Variants in CCDC138 observed in about 807,000 individuals in gnomAD.
CCDC138 encodes the protein coiled-coil domain-containing protein 138.
CCDC138 carries 66 observed loss-of-function variants against 82.3 expected under a neutral mutation model. The observed-to-expected ratio is 0.80, with a 90% CI of 0.66 to 0.98. CCDC138 has a LOEUF of 0.98. CCDC138 is among the 50% of genes least tolerant of loss of function. CCDC138 has a pLI of 0.00. For synonymous variants in CCDC138, 297 were observed against 265.4 expected (o/e 1.12, Z -1.16); for missense variants, 816 against 758.9 (o/e 1.08, Z -0.88).
At chr2:108,793,359 A>G (rs1401214352) in intron 4 of CCDC138, among the ~76,000 whole-genome samples, 4 of 151,976 alleles carry the variant, frequency 2.6e-5, no homozygotes, top group African/African-American at 9.7e-5. Context: ...CAACAACAAA[A>G]AAACACTGAC....
intron 10 of CCDC138, among the ~76,000 whole-genome samples, chr2:108,834,682 C>A (rs1211131823): frequency 2.0e-5 from 3 of 152,144 alleles, no homozygotes; most frequent in Non-Finnish European, 4.4e-5. Flanking sequence ...TGCTGTACAA[C>A]CATCATCGCT....
chr2:108,796,978 T>G (rs1209274750), intron 5 of CCDC138, among the ~76,000 whole-genome samples: 1 of 152,220 alleles, frequency 6.6e-6, no homozygotes, highest in African/African-American at 2.4e-5. Flanking sequence ...TGTAATGTTC[T>G]CAACACAAAG....
chr2:108,884,640 T>C (rs1482849897), intron 2 of CCDC138: 1 of 152,186 alleles, frequency 6.6e-6, no homozygotes. Context: ...TCAAGGATGA[T>C]GGTTTTGGCC....
At chr2:108,853,950 A>G (rs1005220014) in intron 12 of CCDC138, among the ~76,000 whole-genome samples, 17 of 120,122 alleles carry the variant, frequency 1.4e-4, no homozygotes, top group African/African-American at 5.6e-4. Flanking sequence ...ATAATATACA[A>G]TAAATATATA....
At chr2:108,836,696 A>G (rs929007079) in intron 10 of CCDC138, among the ~76,000 whole-genome samples, 1 of 152,190 alleles carries the variant, frequency 6.6e-6, no homozygotes, top group Non-Finnish European at 1.5e-5. Context: ...ACCCATGAAC[A>G]TGAAATTTCA....
At chr2:108,819,778 T>A (rs141028582) in intron 10 of CCDC138, among the ~76,000 whole-genome samples, 1 of 152,100 alleles carries the variant, frequency 6.6e-6, no homozygotes, top group Non-Finnish European at 1.5e-5. Flanking sequence ...TAAAAAAGGA[T>A]CAGAAGGCAT....
At chr2:108,868,122 G>A (rs1694705209) in intron 13 of CCDC138, among the ~76,000 whole-genome samples, 1 of 152,048 alleles carries the variant, frequency 6.6e-6, no homozygotes, top group African/African-American at 2.4e-5. Flanking sequence ...TTTTAAAAAT[G>A]TATAACCGCT....
chr2:108,854,037 AAT>A (rs1437015554), intron 12 of CCDC138, among the ~76,000 whole-genome samples: 2 of 69,318 alleles, frequency 2.9e-5, no homozygotes, highest in African/African-American at 1.2e-4. Flanking sequence ...TATTATATAT[AAT>A]ATATAATAAA....
intron 7 of CCDC138, among the ~76,000 whole-genome samples, chr2:108,807,671 G>A (rs954850914): frequency 2.0e-5 from 3 of 152,164 alleles, no homozygotes; most frequent in African/African-American, 7.2e-5. Context: ...AGGCAGGAGT[G>A]CAGTGGCATG....
Position 108,856,922 on chromosome 2 carries a change from C to T in CCDC138, c.1645C>T (p.Leu549Phe), listed in dbSNP as rs1692698312. The T allele has an allele frequency of 4.3e-6, 7 of 1,612,666 alleles. No individual in the cohort carries two copies. Among genetic ancestry groups the T allele is most frequent in the African/African-American group, 1.3e-5 (1 of 74,732 alleles). ...LSHLRISSKG[L>F]LSNVIDSLLQ... ...TCATCTAAGAATATCCAGTAAAGGA[C>T]TCCTGTCTAATGTTATTGATAGTTT... The change falls in exon 13 of 15, where the codon CTC becomes TTC. Residue 549 changes from leucine to phenylalanine, a missense_variant. Physicochemically the swap from Leu to Phe is conservative, Grantham distance 22. Transcript: ENST00000295124.
intron 13 of CCDC138, among the ~76,000 whole-genome samples, chr2:108,858,784 C>T (rs1299170358): frequency 3.3e-5 from 5 of 151,674 alleles, no homozygotes; most frequent in Non-Finnish European, 7.4e-5. Context: ...GTTTGGGCTT[C>T]AACTGAACTC....
chr2:108,853,951 TAAATATATATAATA>T (rs1433534426), intron 12 of CCDC138, among the ~76,000 whole-genome samples: 3 of 119,426 alleles, frequency 2.5e-5, no homozygotes, highest in African/African-American at 3.3e-5. Flanking sequence ...TAATATACAA[TAAATATATATAATA>T]AAATATATAT....
In CCDC138 at chr2:108,805,010, T is replaced by C; in HGVS notation, c.855+2T>C. 1 of 1,501,138 alleles carries C rather than the reference T, an allele frequency of 6.7e-7. No individual in the cohort carries two copies. The highest frequency in any genetic ancestry group is 8.9e-7 in the Non-Finnish European group (1 of 1,120,570). 93.0% of individuals were successfully genotyped at this position (1,501,138 alleles called of 1,614,324 possible). On this transcript the variant is annotated splice_donor_variant, in intron 7 of 14. Coordinates refer to ENST00000295124, the MANE Select transcript of CCDC138 (RefSeq NM_144978.3). LOFTEE classifies it high-confidence loss of function. ...TTGAATGATACCTTAAAAAAACAGG[T>C]AAGACCTGTTTTAATATATACTGAA...
At chr2:108,864,293 A>T (rs983699688) in intron 13 of CCDC138, among the ~76,000 whole-genome samples, 1 of 152,204 alleles carries the variant, frequency 6.6e-6, no homozygotes, top group African/African-American at 2.4e-5. Flanking sequence ...TTTATTTATT[A>T]AAAAAAGATT....
intron 13 of CCDC138, among the ~76,000 whole-genome samples, chr2:108,872,491 AT>A (rs1464432393): frequency 1.3e-5 from 2 of 152,232 alleles, no homozygotes; most frequent in Non-Finnish European, 2.9e-5. Flanking sequence ...CATTCCTAGC[AT>A]ATACCACTTA....
rs1473225659 is a variant in CCDC138 at position 108,794,603 on chromosome 2, ACT to A, written c.462_463del (p.Pro155PhefsTer10). ...ACTGAGTGTTGTAGTGATGCAGGTGACTCTCCTTTGAAACCTGTCAGCTGTCC... is the reference window on the plus strand; with the variant it reads ...ACTGAGTGTTGTAGTGATGCAGGTGACTCCTTTGAAACCTGTCAGCTGTCC... On this transcript the variant is annotated frameshift_variant, in exon 5 of 15. Transcript: ENST00000295124. LOFTEE classifies it high-confidence loss of function. The A allele has an allele frequency of 6.2e-7, 1 of 1,613,838 alleles. No homozygotes were observed. The highest frequency in any genetic ancestry group is 1.3e-5 in the African/African-American group (1 of 74,858).
At chr2:108,811,245 C>CTTTTTTT (rs144518921) in intron 7 of CCDC138, among the ~76,000 whole-genome samples, 3,457 of 109,466 alleles carry the variant, frequency 0.032, 457 homozygotes, top group African/African-American at 0.11. Context: ...CTTTCTCTCT[C>CTTTTTTT]TCTTTTTTTT....
chr2:108,813,760 A>G (rs191725760), intron 9 of CCDC138, among the ~76,000 whole-genome samples: 37 of 152,224 alleles, frequency 2.4e-4, no homozygotes, highest in Admixed American at 7.9e-4. Context: ...ACTTTCCACT[A>G]TCCTAGAAAG....
intron 6 of CCDC138, among the ~76,000 whole-genome samples, chr2:108,802,567 G>T (rs1466241042): frequency 1.4e-5 from 2 of 143,508 alleles, no homozygotes; most frequent in Non-Finnish European, 3.0e-5. Flanking sequence ...CAATCATGTC[G>T]TCTGCAAACA....
Sources: allele counts gnomAD v4.1 joint callset (sites outside exome capture counted in the v4.1 genomes callset), GRCh38; gene constraint gnomAD v4.1.1; transcripts MANE v1.5; gene names NCBI Gene and HGNC (gene_info 2026-07-23, HGNC 2026-07-21).